The following AFG2A variants were observed in gnomAD, a reference collection of about 807,000 sequenced individuals.
The protein encoded by AFG2A is ATPase family gene 2 protein homolog A.
At chr4:123,282,569 G>A in the AFG2A span, among the ~76,000 whole-genome samples, 3 of 152,044 alleles carry the variant, frequency 2.0e-5, no homozygotes, top group Non-Finnish European at 4.4e-5. Context: ...ACTATTTTTG[G>A]ATACTGTATT....
At chr4:123,284,986 T>C in the AFG2A span, among the ~76,000 whole-genome samples, 2 of 152,192 alleles carry the variant, frequency 1.3e-5, no homozygotes, top group African/African-American at 4.8e-5. Context: ...TAAACCTTCC[T>C]TAGATCATTG....
the AFG2A span, among the ~76,000 whole-genome samples, chr4:123,063,246 C>T: frequency 2.0e-5 from 3 of 152,140 alleles, no homozygotes; most frequent in Admixed American, 6.5e-5. Flanking sequence ...GTATAAAATT[C>T]CCAAGATACT....
chr4:123,124,442 A>T, the AFG2A span, among the ~76,000 whole-genome samples: 2 of 152,200 alleles, frequency 1.3e-5, no homozygotes, highest in Admixed American at 1.3e-4. Context: ...GAACAATGAG[A>T]ACACTTGAAC....
the AFG2A span, chr4:122,928,902 C>A: frequency 9.7e-7 from 1 of 1,029,184 alleles, no homozygotes; most frequent in Non-Finnish European, 1.3e-6. Context: ...CAATTGGTAT[C>A]AGATTGTAAC....
At chr4:123,309,973 A>G in the AFG2A span, among the ~76,000 whole-genome samples, 1 of 152,204 alleles carries the variant, frequency 6.6e-6, no homozygotes, top group Non-Finnish European at 1.5e-5. Flanking sequence ...GGGAGATATT[A>G]TATCATATCT....
the AFG2A span, among the ~76,000 whole-genome samples, chr4:123,272,974 A>G: frequency 4.6e-5 from 7 of 152,166 alleles, no homozygotes; most frequent in Non-Finnish European, 8.8e-5. Context: ...AAAGGGGATA[A>G]CTAATGAAGG....
chr4:123,113,410 C>T, the AFG2A span, among the ~76,000 whole-genome samples: 6 of 152,282 alleles, frequency 3.9e-5, no homozygotes, highest in East Asian at 5.8e-4. Context: ...CCTTTGCTCA[C>T]TTACCCAGAC....
the AFG2A span, among the ~76,000 whole-genome samples, chr4:122,953,015 T>G: frequency 2.0e-5 from 3 of 152,152 alleles, no homozygotes; most frequent in African/African-American, 7.2e-5. Flanking sequence ...ATGGCTGTTG[T>G]ATGGGCTGTG....
chr4:123,226,423 G>C, the AFG2A span, among the ~76,000 whole-genome samples: 11,830 of 151,386 alleles, frequency 0.078, 1,504 homozygotes, highest in African/African-American at 0.27. Context: ...TAGCATGAAG[G>C]GTTGTTGAAT....
chr4:123,312,003 T>C, the AFG2A span, among the ~76,000 whole-genome samples: 1 of 152,132 alleles, frequency 6.6e-6, no homozygotes, highest in East Asian at 1.9e-4. Context: ...TTTGGTTACC[T>C]CTTTTTTTCT....
chr4:123,145,503 C>T, the AFG2A span, among the ~76,000 whole-genome samples: 7 of 152,068 alleles, frequency 4.6e-5, no homozygotes, highest in African/African-American at 1.7e-4. Flanking sequence ...ATGTTAAGCA[C>T]TTTTCATTAT....
chr4:123,021,499 C>T, the AFG2A span, among the ~76,000 whole-genome samples: 1 of 152,132 alleles, frequency 6.6e-6, no homozygotes, highest in Non-Finnish European at 1.5e-5. Context: ...TTAATGATAG[C>T]CCTTCTACGA....
At chr4:122,923,244 T>A in the AFG2A span, 6 of 1,614,118 alleles carry the variant, frequency 3.7e-6, no homozygotes, top group Non-Finnish European at 5.1e-6. Flanking sequence ...GGGCTCCTTC[T>A]GCTGGATCAG....
At chr4:123,183,933 TATTCATTCATTCATTC>T in the AFG2A span, among the ~76,000 whole-genome samples, 2 of 137,312 alleles carry the variant, frequency 1.5e-5, no homozygotes, top group South Asian at 2.2e-4. Context: ...CTTGCTTATT[TATTCATTCATTCATTC>T]ATTCATTCAT....
the AFG2A span, among the ~76,000 whole-genome samples, chr4:123,061,096 T>G: frequency 6.6e-6 from 1 of 152,196 alleles, no homozygotes; most frequent in Non-Finnish European, 1.5e-5. Flanking sequence ...AGCATTTTGG[T>G]CAAAGCCACT....
chr4:123,031,757 T>C, the AFG2A span, among the ~76,000 whole-genome samples: 44 of 152,376 alleles, frequency 2.9e-4, no homozygotes, highest in African/African-American at 1.0e-3. Context: ...AGACTTACAC[T>C]TCTTCCTCTA....
the AFG2A span, chr4:122,923,168 G>T: frequency 6.2e-7 from 1 of 1,614,216 alleles, no homozygotes; most frequent in East Asian, 2.2e-5. Context: ...AATAGAAAGC[G>T]GTTGAACCAA....
chr4:122,988,825 C>G, the AFG2A span, among the ~76,000 whole-genome samples: 1 of 151,884 alleles, frequency 6.6e-6, no homozygotes, highest in Non-Finnish European at 1.5e-5. Flanking sequence ...ATTCTTTTTT[C>G]TTTTTGTTTT....
chr4:123,102,331 C>G, the AFG2A span: 1 of 149,582 alleles, frequency 6.7e-6, no homozygotes, highest in East Asian at 1.9e-4. Context: ...AATCAATCAG[C>G]CTTTAAGGCT....
Sources: allele counts gnomAD v4.1 joint callset (sites outside exome capture counted in the v4.1 genomes callset), GRCh38; gene constraint gnomAD v4.1.1; transcripts MANE v1.5; gene names NCBI Gene and HGNC (gene_info 2026-07-23, HGNC 2026-07-21).